Variants in CTNND2 observed in about 807,000 individuals in gnomAD.
The protein encoded by CTNND2 is catenin delta-2.
In CTNND2, 22 loss-of-function variants were observed where a neutral mutation model predicts 144.4. The ratio of observed to expected loss-of-function variants is 0.15; its 90% CI spans 0.11 to 0.22. The LOEUF (loss-of-function observed/expected upper bound fraction) is 0.22, where lower values mean the gene tolerates loss of function less well. Among genes scored for constraint, CTNND2 ranks in the 10% least tolerant of loss-of-function variants. The pLI is 1.00. For synonymous variants in CTNND2, 751 were observed against 695.6 expected, an observed-to-expected ratio of 1.08 and a Z score of -1.25; for missense variants, 1,353 against 1,618.8, an observed-to-expected ratio of 0.84 and a Z score of 2.82.
intron 16 of CTNND2, among the ~76,000 whole-genome samples, chr5:11,054,601 T>C (rs1024619): frequency 0.76 from 114,962 of 151,736 alleles, 44,152 homozygotes; most frequent in East Asian, 0.92. Flanking sequence ...CCTCCCATCG[T>C]TCATCATCTC....
intron 2 of CTNND2, among the ~76,000 whole-genome samples, chr5:11,567,075 G>A (rs12522706): frequency 0.017 from 2,635 of 152,116 alleles, 26 homozygotes; most frequent in Middle Eastern, 0.038. Flanking sequence ...TGTTTGCACT[G>A]TTTCTAACAC....
chr5:11,306,797 G>C (rs1409751019), intron 9 of CTNND2, among the ~76,000 whole-genome samples: 1 of 152,192 alleles, frequency 6.6e-6, no homozygotes, highest in Non-Finnish European at 1.5e-5. Flanking sequence ...GCGTCCAAAT[G>C]AAAAGGCAGA....
At chr5:11,450,458 C>T (rs1765200773) in intron 3 of CTNND2, among the ~76,000 whole-genome samples, 1 of 152,160 alleles carries the variant, frequency 6.6e-6, no homozygotes, top group East Asian at 1.9e-4. Context: ...TATCCATGCA[C>T]CCAATATCTT....
At chr5:11,356,903 A>C (rs1017674908) in intron 8 of CTNND2, among the ~76,000 whole-genome samples, 2 of 152,038 alleles carry the variant, frequency 1.3e-5, no homozygotes, top group African/African-American at 4.8e-5. Context: ...CAAGACATAC[A>C]AATGACCAAC....
At chr5:11,773,735 C>T (rs998635760) in intron 1 of CTNND2, among the ~76,000 whole-genome samples, 4 of 150,904 alleles carry the variant, frequency 2.7e-5, no homozygotes, top group South Asian at 4.2e-4. Context: ...CGCTTGAACC[C>T]GGGAGGCGGA....
At chr5:11,259,047 AG>A (rs1744578716) in intron 9 of CTNND2, among the ~76,000 whole-genome samples, 1 of 152,190 alleles carries the variant, frequency 6.6e-6, no homozygotes, top group African/African-American at 2.4e-5. Context: ...GGTATTTTGT[AG>A]CTAGGATTAC....
intron 9 of CTNND2, among the ~76,000 whole-genome samples, chr5:11,245,185 G>A (rs1742869563): frequency 6.6e-6 from 1 of 152,166 alleles, no homozygotes; most frequent in African/African-American, 2.4e-5. Flanking sequence ...AATCCCCACT[G>A]GGAATTTAGG....
At chr5:11,219,099 T>A (rs1739517658) in intron 10 of CTNND2, among the ~76,000 whole-genome samples, 1 of 152,124 alleles carries the variant, frequency 6.6e-6, no homozygotes, top group African/African-American at 2.4e-5. Context: ...TCAAGCTCAG[T>A]GTAAAATGTG....
At position 11,620,816 on chromosome 5, in the gene CTNND2, T is replaced by G. The variant is rs555270355; in HGVS notation, c.175-55760A>C. ...TGTTCTTCCTAGTTCCAGGCAAAAG[T>G]GCCAGGTGACACTTAGCCTAGTGGC... is the stretch of plus-strand genomic sequence containing the variant. On this transcript the variant is annotated intron_variant, in intron 2 of 21. Coordinates refer to ENST00000304623, the MANE Select transcript of CTNND2 (RefSeq NM_001332.4). Among the ~76,000 whole-genome samples, 12 of 152,316 alleles carry G rather than the reference T, an allele frequency of 7.9e-5. No individual in the cohort carries two copies. In the South Asian group the frequency reaches 2.3e-3, roughly 29 times the overall value.
At chr5:11,241,257 A>G (rs1173638164) in intron 9 of CTNND2, among the ~76,000 whole-genome samples, 3 of 152,192 alleles carry the variant, frequency 2.0e-5, no homozygotes, top group Non-Finnish European at 2.9e-5. Flanking sequence ...CTGTGGCTTA[A>G]GATTCTCCAG....
intron 14 of CTNND2, among the ~76,000 whole-genome samples, chr5:11,099,213 T>C (rs1751644377): frequency 1.3e-5 from 2 of 152,226 alleles, no homozygotes; most frequent in Admixed American, 6.5e-5. Context: ...AACTCCTATA[T>C]AATTTGTTAC....
intron 5 of CTNND2, among the ~76,000 whole-genome samples, chr5:11,406,617 T>A (rs879851665): frequency 5.9e-5 from 9 of 152,136 alleles, no homozygotes; most frequent in Non-Finnish European, 7.3e-5. Flanking sequence ...AATAACCTGA[T>A]CTCTCAAACG....
intron 9 of CTNND2, among the ~76,000 whole-genome samples, chr5:11,270,060 G>GGCAA (rs1335940388): frequency 6.6e-6 from 1 of 152,104 alleles, no homozygotes; most frequent in Non-Finnish European, 1.5e-5. Flanking sequence ...AAAACTTTGT[G>GGCAA]GCAAACTTCA....
At chr5:11,379,780 C>A (rs762316473) in intron 7 of CTNND2, among the ~76,000 whole-genome samples, 1 of 152,134 alleles carries the variant, frequency 6.6e-6, no homozygotes, top group Non-Finnish European at 1.5e-5. Context: ...AGCCTCCACA[C>A]ACTGCCCAGA....
At position 11,228,775 on chromosome 5, in the gene CTNND2, C is replaced by T. The variant is rs187768500; in HGVS notation, c.1761+7916G>A. 3.3e-5 allele frequency among the ~76,000 whole-genome samples: 5 copies of T among 152,242 alleles called. No individual in the cohort carries two copies. In the East Asian group the frequency reaches 5.8e-4, roughly 18 times the overall value. On this transcript the variant is annotated intron_variant, in intron 10 of 21. Transcript: ENST00000304623. ...GATTACAGGCATGAGCCACCACACC[C>T]GGCCAGATTCCTTAAAGACAGGATC... is the stretch of plus-strand genomic sequence containing the variant.
At chr5:11,302,537 C>G (rs1307087230) in intron 9 of CTNND2, among the ~76,000 whole-genome samples, 2 of 152,086 alleles carry the variant, frequency 1.3e-5, no homozygotes, top group East Asian at 1.9e-4. Context: ...CGGTAAATGC[C>G]GCATGTGGGA....
intron 1 of CTNND2, among the ~76,000 whole-genome samples, chr5:11,899,372 G>A (rs1737673781): frequency 6.6e-6 from 1 of 152,124 alleles, no homozygotes; most frequent in Non-Finnish European, 1.5e-5. Context: ...TCAAAGTTTT[G>A]TAATTTCTAC....
At chr5:11,034,447 TG>T in intron 16 of CTNND2, among the ~76,000 whole-genome samples, 1 of 152,358 alleles carries the variant, frequency 6.6e-6, no homozygotes, top group East Asian at 1.9e-4. Context: ...AAATTCTTAG[TG>T]TCCTCTTTTT....
At chr5:11,588,694 G>A (rs887699178) in intron 2 of CTNND2, 15 of 929,882 alleles carry the variant, frequency 1.6e-5, no homozygotes, top group Non-Finnish European at 1.9e-5. Context: ...TGAAAGCATT[G>A]AAAAACCAAA....
Sources: gnomAD v4.1 joint callset for allele counts (sites outside exome capture counted in the v4.1 genomes callset) on GRCh38, gnomAD v4.1.1 for gene constraint, MANE v1.5 for transcripts, NCBI Gene and HGNC (gene_info 2026-07-23, HGNC 2026-07-21) for gene names.